SLC4A10: variants seen among roughly 807,000 people sequenced by gnomAD.
SLC4A10 encodes solute carrier family 4 member 10, also known as sodium-driven chloride bicarbonate exchanger.
In SLC4A10, 42 loss-of-function variants were observed where a neutral mutation model predicts 137.7. The observed-to-expected ratio is 0.30, with a 90% CI of 0.24 to 0.39. SLC4A10 has a LOEUF of 0.39. Ranked by LOEUF, SLC4A10 falls within the 10% of genes least tolerant of loss-of-function variation. The pLI is 1.00. For synonymous variants in SLC4A10, 474 were observed against 464.1 expected, an observed-to-expected ratio of 1.02 and a Z score of -0.27; for missense variants, 925 against 1,355.0, an observed-to-expected ratio of 0.68 and a Z score of 4.98.
intron 1 of SLC4A10, among the ~76,000 whole-genome samples, chr2:161,679,596 T>A (rs1025304715): frequency 2.2e-4 from 34 of 152,030 alleles, no homozygotes; most frequent in Admixed American, 1.3e-4. Context: ...CAGTTTCTCA[T>A]ATTGAATCAA....
At chr2:161,765,608 CAAA>C (rs370721653) in intron 1 of SLC4A10, among the ~76,000 whole-genome samples, 3 of 93,144 alleles carry the variant, frequency 3.2e-5, no homozygotes, top group Non-Finnish European at 2.4e-5. Flanking sequence ...GAGCAAGACT[CAAA>C]AAAAAAAAAA....
At chr2:161,835,233 T>A (rs1005425105) in intron 3 of SLC4A10, among the ~76,000 whole-genome samples, 2 of 152,098 alleles carry the variant, frequency 1.3e-5, no homozygotes, top group African/African-American at 4.8e-5. Context: ...GAGATGGGAT[T>A]TCACCATGCT....
chr2:161,725,406 T>A (rs543969171), intron 1 of SLC4A10, among the ~76,000 whole-genome samples: 7 of 152,322 alleles, frequency 4.6e-5, no homozygotes, highest in African/African-American at 1.4e-4. Context: ...TTCTGGCACA[T>A]TGTAAGCCTT....
chr2:161,919,541 C>A (rs1687755694), intron 15 of SLC4A10, among the ~76,000 whole-genome samples: 1 of 152,150 alleles, frequency 6.6e-6, no homozygotes, highest in Non-Finnish European at 1.5e-5. Context: ...AAAGCAGCTA[C>A]CCTCACTGGT....
At chr2:161,732,904 C>T (rs550819013) in intron 1 of SLC4A10, among the ~76,000 whole-genome samples, 15 of 152,220 alleles carry the variant, frequency 9.9e-5, no homozygotes, top group Non-Finnish European at 1.8e-4. Flanking sequence ...CGGCATTTTA[C>T]CCCTGCCCTA....
intron 1 of SLC4A10, among the ~76,000 whole-genome samples, chr2:161,657,553 A>AT (rs986771001): frequency 5.9e-5 from 9 of 151,910 alleles, no homozygotes; most frequent in South Asian, 2.1e-4. Context: ...TATTATTATT[A>AT]TTTTTTTAAC....
chr2:161,751,043 C>T lies in SLC4A10; in HGVS notation c.49-19930C>T, dbSNP rs139243968. ...AATAAGTATAGCTACTCCTGCTTTC[C>T]TTTGGCTACCATTTGCATGAAATAT... On this transcript the variant is annotated intron_variant, in intron 1 of 26. Transcript: ENST00000446997. 9.3e-3 allele frequency among the ~76,000 whole-genome samples: 1,408 copies of T among 151,856 alleles called. 16 individuals are homozygous for T. Among genetic ancestry groups the T allele is most frequent in the Middle Eastern group, 0.017 (5 of 294 alleles).
In SLC4A10 at chr2:161,744,349, A is replaced by G. The variant is rs545439573; in HGVS notation, c.49-26624A>G. On this transcript the variant is annotated intron_variant, in intron 1 of 26. Transcript: ENST00000446997. The stretch of plus-strand genomic sequence containing the variant: ...GGATTCTTAACATGAAGGGATGCTG[A>G]ATTTAATCAAATTCTTTTTCAGTAT... Among the ~76,000 whole-genome samples, 4 of 152,272 alleles carry G rather than the reference A, an allele frequency of 2.6e-5. No homozygotes were observed. In the East Asian group the frequency reaches 5.8e-4, roughly 22 times the overall value.
intron 1 of SLC4A10, among the ~76,000 whole-genome samples, chr2:161,757,126 G>A (rs1212655449): frequency 6.6e-6 from 1 of 152,084 alleles, no homozygotes; most frequent in Admixed American, 6.6e-5. Context: ...TAGAGGGTGG[G>A]GAGCTGGGTT....
chr2:161,850,060 T>C (rs1208903521), intron 4 of SLC4A10, among the ~76,000 whole-genome samples: 3 of 152,132 alleles, frequency 2.0e-5, no homozygotes, highest in Non-Finnish European at 4.4e-5. Context: ...CTGATTCAAG[T>C]TTGGAACTCA....
At chr2:161,632,803 G>T (rs1274974819) in intron 1 of SLC4A10, among the ~76,000 whole-genome samples, 1 of 151,404 alleles carries the variant, frequency 6.6e-6, no homozygotes, top group East Asian at 1.9e-4. Flanking sequence ...TAAAGCTTGA[G>T]AATTTTTGCC....
At chr2:161,744,753 T>C (rs1040290811) in intron 1 of SLC4A10, among the ~76,000 whole-genome samples, 1 of 152,176 alleles carries the variant, frequency 6.6e-6, no homozygotes, top group Non-Finnish European at 1.5e-5. Context: ...TTCATCCTCC[T>C]TGCTTTTTAA....
intron 3 of SLC4A10, among the ~76,000 whole-genome samples, chr2:161,830,507 A>G (rs2058365821): frequency 6.6e-6 from 1 of 151,480 alleles, no homozygotes; most frequent in Admixed American, 6.6e-5. Context: ...AATTACAGTT[A>G]CAGAATAAGA....
At chr2:161,767,479 A>G (rs1223828793) in intron 1 of SLC4A10, among the ~76,000 whole-genome samples, 1 of 151,598 alleles carries the variant, frequency 6.6e-6, no homozygotes, top group African/African-American at 2.4e-5. Flanking sequence ...TTTCTAAGAC[A>G]GCAGTAAACT....
At chr2:161,977,223 T>G in intron 25 of SLC4A10, 1 of 291,374 alleles carries the variant, frequency 3.4e-6, no homozygotes, top group Non-Finnish European at 6.6e-6. Context: ...TTATTTTCCC[T>G]TTTTTAGACT....
chr2:161,850,665 T>C (rs2059777116), intron 4 of SLC4A10, among the ~76,000 whole-genome samples: 1 of 152,080 alleles, frequency 6.6e-6, no homozygotes, highest in East Asian at 1.9e-4. Flanking sequence ...AGCCAAGTCT[T>C]GGTTTTGTTG....
At chr2:161,940,472 C>T (rs1237717266) in intron 15 of SLC4A10, among the ~76,000 whole-genome samples, 1 of 152,134 alleles carries the variant, frequency 6.6e-6, no homozygotes, top group South Asian at 2.1e-4. Context: ...CTGATTATTG[C>T]CCATGCTCAG....
chr2:161,873,881 G>A (rs1213609914), intron 7 of SLC4A10, 35 bp from the exon 8 acceptor site: 1 of 1,572,102 alleles, frequency 6.4e-7, no homozygotes, highest in Admixed American at 1.8e-5. Flanking sequence ...TGGGAGCATG[G>A]TGTACCAGCT....
intron 23 of SLC4A10, among the ~76,000 whole-genome samples, chr2:161,968,058 T>C (rs1230905955): frequency 2.6e-5 from 4 of 151,984 alleles, no homozygotes; most frequent in Admixed American, 2.6e-4. Context: ...CCGTGAAACA[T>C]TCTTGCCTTT....
Sources: allele counts gnomAD v4.1 joint callset (sites outside exome capture counted in the v4.1 genomes callset), GRCh38; gene constraint gnomAD v4.1.1; transcripts MANE v1.5; gene names NCBI Gene and HGNC (gene_info 2026-07-23, HGNC 2026-07-21).